The following TMEM131 variants were observed in gnomAD, a reference collection of about 807,000 sequenced individuals.
TMEM131 encodes the protein 2610524E03Rik.
A neutral mutation model predicts 211.6 loss-of-function variants in TMEM131; 66 were observed. The observed-to-expected ratio is 0.31, with a 90% CI of 0.26 to 0.38. TMEM131 has a LOEUF of 0.38. TMEM131 is among the 10% of genes least tolerant of loss of function. The pLI, the probability that TMEM131 is intolerant of heterozygous loss-of-function variation, is 1.00. For missense variants in TMEM131, 2,036 were observed against 2,299.3 expected, an observed-to-expected ratio of 0.89 and a Z score of 2.34; for synonymous variants, 844 against 841.3, an observed-to-expected ratio of 1.00 and a Z score of -0.06.
intron 5 of TMEM131, among the ~76,000 whole-genome samples, chr2:97,854,682 T>G (rs78492980): frequency 0.025 from 3,787 of 152,312 alleles, 52 homozygotes; most frequent in Middle Eastern, 0.065. Context: ...AGACCCTTCA[T>G]AGTCTGCCCC....
rs754042625 is a variant in TMEM131, at chr2:97,762,105, G to A, written c.4819C>T (p.Pro1607Ser). The A allele has an allele frequency of 2.5e-6, 4 of 1,613,042 alleles. No homozygotes were observed. The highest frequency in any genetic ancestry group is 3.4e-6 in the Non-Finnish European group (4 of 1,179,492). The change falls in exon 36 of 41, where the codon CCC becomes TCC. Residue 1607 changes from proline to serine, a missense_variant. Pro to Ser is a moderately conservative substitution (Grantham distance 74, BLOSUM62 -1). Around this residue, in one of 3 missense-constraint regions of TMEM131, gnomAD observed 1,623 missense variants for 1,805.9 expected, o/e 0.90. Coordinates refer to ENST00000186436, the MANE Select transcript of TMEM131 (RefSeq NM_015348.2). ...QTSPTPASPS[P>S]PAAPCPFVAR... is the part of the protein sequence containing the mutation. ...ACAAAGGGGCAGGGGGCAGCTGGGG[G>A]AGACGGGGAAGCAGGTGTCGGTGAG...
chr2:97,797,354 A>C lies in TMEM131; in HGVS notation c.2870+11T>G, dbSNP rs772884010. 1.3e-6 allele frequency: 2 copies of C among 1,588,422 alleles called. No homozygotes were observed. The highest frequency in any genetic ancestry group is 1.7e-6 in the Non-Finnish European group (2 of 1,170,236). On this transcript the variant is annotated intron_variant, in intron 26 of 40. Transcript: ENST00000186436. ...GTAAAAATGAACCCACACCTATATCACAGAACCTACCTGACTATGATAAGT... is the reference window on the plus strand; with the variant it reads ...GTAAAAATGAACCCACACCTATATCCCAGAACCTACCTGACTATGATAAGT...
chr2:97,826,569 A>G (rs888929997), intron 11 of TMEM131, among the ~76,000 whole-genome samples: 1 of 152,144 alleles, frequency 6.6e-6, no homozygotes, highest in Non-Finnish European at 1.5e-5. Flanking sequence ...AAAGAGACAG[A>G]AAGTCAGAGA....
chr2:97,849,414 T>A (rs1183754872), intron 5 of TMEM131, among the ~76,000 whole-genome samples: 2 of 152,180 alleles, frequency 1.3e-5, no homozygotes, highest in Admixed American at 1.3e-4. Context: ...TACAGCCTAC[T>A]ACACCAACCA....
intron 36 of TMEM131, chr2:97,761,449 G>C (rs1402830854): frequency 1.3e-5 from 2 of 159,478 alleles, no homozygotes; most frequent in African/African-American, 2.4e-5. Context: ...CACACGGTGA[G>C]AGTGCCATCC....
intron 3 of TMEM131, among the ~76,000 whole-genome samples, chr2:97,904,794 A>G (rs1675999726): frequency 6.7e-6 from 1 of 149,334 alleles, no homozygotes; most frequent in Non-Finnish European, 1.5e-5. Flanking sequence ...TATTGGCTAT[A>G]GTTCTTTTTT....
intron 17 of TMEM131, among the ~76,000 whole-genome samples, chr2:97,811,860 C>CCG (rs1218154945): frequency 6.6e-6 from 1 of 152,170 alleles, no homozygotes; most frequent in Non-Finnish European, 1.5e-5. Flanking sequence ...GGTATAAACT[C>CCG]CAAGTTCCCC....
intron 32 of TMEM131, among the ~76,000 whole-genome samples, chr2:97,774,917 G>C (rs1017820838): frequency 6.6e-6 from 1 of 152,192 alleles, no homozygotes. Context: ...AATGCAAAGG[G>C]AAAGGTGGCT....
At chr2:97,866,991 T>C (rs1039018716) in intron 4 of TMEM131, among the ~76,000 whole-genome samples, 1 of 152,228 alleles carries the variant, frequency 6.6e-6, no homozygotes, top group Non-Finnish European at 1.5e-5. Flanking sequence ...TTGAGCATCA[T>C]GTTGGCACAC....
At chr2:97,818,467 GGGGGGC>G (rs371558909) in intron 12 of TMEM131, 140 bp downstream of exon 12, 31,201 of 258,314 alleles carry the variant, frequency 0.12, 359 homozygotes, top group Non-Finnish European at 0.16. Context: ...TTACAGCGGG[GGGGGGC>G]GGGGGGGGAT....
At chr2:97,885,978 TCTGC>T (rs1214450183) in intron 4 of TMEM131, among the ~76,000 whole-genome samples, 1 of 152,192 alleles carries the variant, frequency 6.6e-6, no homozygotes, top group Non-Finnish European at 1.5e-5. Flanking sequence ...TCTTTTTTTG[TCTGC>T]CTGTGTCATT....
chr2:97,818,463 C>CGGTG (rs1681941573), intron 12 of TMEM131, 150 bp downstream of exon 12: 1 of 281,326 alleles, frequency 3.6e-6, no homozygotes, highest in Non-Finnish European at 6.3e-6. Flanking sequence ...TGGTTTACAG[C>CGGTG]GGGGGGGGGC....
rs1682976034 is a variant in TMEM131 at position 97,837,112 on chromosome 2, G to T, written c.769C>A (p.Pro257Thr). The change falls in exon 8 of 41, where the codon CCA becomes ACA. Residue 257 changes from proline to threonine, a missense_variant. Transcript: ENST00000186436. ...CTGGTACCTCCTTGTTGACCCGTTGGGAGTTCTAGGTGAAGGTCTCCTCCA... is the reference window on the plus strand; with the variant it reads ...CTGGTACCTCCTTGTTGACCCGTTGTGAGTTCTAGGTGAAGGTCTCCTCCA... The part of the protein sequence containing the change: ...SSGGDLHLEL[P>T]TGQQGGTRKL... 1.2e-6 allele frequency: 2 copies of T among 1,611,234 alleles called. No individual in the cohort carries two copies. Among genetic ancestry groups the T allele is most frequent in the Non-Finnish European group, 1.7e-6 (2 of 1,178,940 alleles).
chr2:97,966,221 C>T (rs567658139), intron 1 of TMEM131, among the ~76,000 whole-genome samples: 17 of 151,912 alleles, frequency 1.1e-4, no homozygotes, highest in African/African-American at 3.9e-4. Flanking sequence ...TCTCTGCTCA[C>T]TGCAACATAA....
In TMEM131 at chr2:97,946,496, G is replaced by A. The variant is rs550567967; in HGVS notation, c.188-19009C>T. 2.6e-5 allele frequency among the ~76,000 whole-genome samples: 4 copies of A among 151,866 alleles called. No homozygotes were observed. The South Asian group carries it at 6.2e-4, about 24-fold the overall frequency. On this transcript the variant is annotated intron_variant, in intron 1 of 40. Transcript: ENST00000186436. ...ATTAACAACTCTCAGTTTATGATACGGACAAATTCCTTCAAAGACTCAAAA... is the reference window on the plus strand; with the variant it reads ...ATTAACAACTCTCAGTTTATGATACAGACAAATTCCTTCAAAGACTCAAAA...
chr2:97,948,396 C>A (rs1268229392), intron 1 of TMEM131, among the ~76,000 whole-genome samples: 1 of 151,852 alleles, frequency 6.6e-6, no homozygotes, highest in Non-Finnish European at 1.5e-5. Flanking sequence ...AAGATGTGAA[C>A]AGACATTTAA....
rs542022644 is a variant in TMEM131 at position 97,914,333 on chromosome 2, A to T, written c.250-5635T>A. Among the ~76,000 whole-genome samples the T allele has an allele frequency of 2.6e-4, 39 of 152,328 alleles. 1 individual carries two copies. The South Asian group carries it at 7.5e-3, about 29-fold the overall frequency. On this transcript the variant is annotated intron_variant, in intron 2 of 40. Transcript: ENST00000186436. ...TGCAAACACTATGGCATAACATCACAAGCAGCACAGCGACACTGGTACGAT... is the reference window on the plus strand; with the variant it reads ...TGCAAACACTATGGCATAACATCACTAGCAGCACAGCGACACTGGTACGAT...
At chr2:97,832,024 A>AAAAAAAAAGCAGC (rs1553603074) in intron 11 of TMEM131, among the ~76,000 whole-genome samples, 2 of 150,626 alleles carry the variant, frequency 1.3e-5, no homozygotes, top group African/African-American at 4.9e-5. Flanking sequence ...AAAAAAAAAA[A>AAAAAAAAAGCAGC]AAGCAGCTCT....
chr2:97,971,734 T>C (rs757878127), intron 1 of TMEM131, among the ~76,000 whole-genome samples: 2 of 152,194 alleles, frequency 1.3e-5, no homozygotes, highest in African/African-American at 2.4e-5. Flanking sequence ...TGGTGGTGCA[T>C]GCCTATAGTC....
Sources: allele counts gnomAD v4.1 joint callset (sites outside exome capture counted in the v4.1 genomes callset), GRCh38; gene constraint gnomAD v4.1.1; regional missense constraint gnomAD v4.1.1; transcripts MANE v1.5; gene names NCBI Gene and HGNC (gene_info 2026-07-23, HGNC 2026-07-21).